The following FRMD5 variants were observed in gnomAD, a reference collection of about 807,000 sequenced individuals.
FRMD5 encodes the protein FERM domain containing 5.
Under a neutral mutation model 69.0 loss-of-function variants are expected in FRMD5, and 20 were observed. The ratio of observed to expected loss-of-function variants is 0.29; its 90% CI spans 0.20 to 0.42. FRMD5 has a LOEUF of 0.42. Ranked by LOEUF, FRMD5 falls within the 10% of genes least tolerant of loss-of-function variation. The pLI is 1.00. For synonymous variants in FRMD5, 271 were observed against 260.1 expected (o/e 1.04, Z -0.40); for missense variants, 595 against 708.6 (o/e 0.84, Z 1.82).
intron 7 of FRMD5, among the ~76,000 whole-genome samples, chr15:43,901,138 G>C (rs2089036392): frequency 6.6e-6 from 1 of 152,122 alleles, no homozygotes; most frequent in African/African-American, 2.4e-5. Context: ...TGAAGACACA[G>C]GCAGATGACA....
intron 1 of FRMD5, among the ~76,000 whole-genome samples, chr15:44,023,074 T>C (rs576275015): frequency 2.2e-4 from 34 of 152,262 alleles, no homozygotes; most frequent in African/African-American, 7.9e-4. Context: ...CTGTTAGATA[T>C]GTATTTATGC....
intron 10 of FRMD5, among the ~76,000 whole-genome samples, chr15:43,886,124 C>T (rs114988244): frequency 8.5e-4 from 129 of 152,222 alleles, no homozygotes; most frequent in African/African-American, 3.0e-3. Context: ...AGTGTGACCT[C>T]GGGCAAATTT....
intron 1 of FRMD5, among the ~76,000 whole-genome samples, chr15:43,967,494 G>A (rs755168110): frequency 1.3e-5 from 2 of 152,042 alleles, no homozygotes; most frequent in African/African-American, 2.4e-5. Flanking sequence ...ACCTCCCAAA[G>A]TGCTAGGCTT....
rs558377254 is a variant in FRMD5, at chr15:44,028,899, T to G, written c.103-104590A>C. Among the ~76,000 whole-genome samples the G allele has an allele frequency of 2.6e-5, 4 of 152,282 alleles. No individual in the cohort carries two copies. The East Asian group carries it at 7.7e-4, about 29-fold the overall frequency. On this transcript the variant is annotated intron_variant, in intron 1 of 13. Transcript: ENST00000417257. ...TAAACTAGACTGGATATTTAGGTAA[T>G]TTTTCTCTCCTGGTCTCAGGATAAA...
chr15:43,976,463 T>A (rs2090464090), intron 1 of FRMD5, among the ~76,000 whole-genome samples: 1 of 152,140 alleles, frequency 6.6e-6, no homozygotes, highest in Non-Finnish European at 1.5e-5. Context: ...GCAATTTTTT[T>A]AAAAAGGCAA....
At chr15:44,026,049 C>A (rs1428605396) in intron 1 of FRMD5, among the ~76,000 whole-genome samples, 2 of 152,192 alleles carry the variant, frequency 1.3e-5, no homozygotes, top group Non-Finnish European at 2.9e-5. Flanking sequence ...ACCATCTCAG[C>A]TCTCTGCAAC....
intron 1 of FRMD5, among the ~76,000 whole-genome samples, chr15:44,116,247 A>AGTTTT (rs1003519032): frequency 1.4e-4 from 21 of 150,458 alleles, no homozygotes; most frequent in Middle Eastern, 7.0e-3. Flanking sequence ...AGAGAGGGAG[A>AGTTTT]GTTTTGTTTT....
At chr15:43,922,909 A>G (rs1308095764) in intron 2 of FRMD5, among the ~76,000 whole-genome samples, 1 of 152,168 alleles carries the variant, frequency 6.6e-6, no homozygotes. Context: ...GGCTGAAACA[A>G]TCCGCCTGCC....
At chr15:44,111,637 G>A (rs564012132) in intron 1 of FRMD5, among the ~76,000 whole-genome samples, 1 of 152,152 alleles carries the variant, frequency 6.6e-6, no homozygotes, top group East Asian at 1.9e-4. Context: ...TCACCCAATC[G>A]GAACCCTTTG....
At chr15:44,130,481 G>GA (rs746526680) in intron 1 of FRMD5, among the ~76,000 whole-genome samples, 49 of 152,116 alleles carry the variant, frequency 3.2e-4, no homozygotes, top group Non-Finnish European at 5.7e-4. Flanking sequence ...TAACTAATAA[G>GA]AAAAAGGATA....
intron 1 of FRMD5, among the ~76,000 whole-genome samples, chr15:44,051,757 G>A (rs934576376): frequency 3.9e-5 from 6 of 151,974 alleles, no homozygotes; most frequent in Non-Finnish European, 7.4e-5. Flanking sequence ...TTTGTAGAAT[G>A]TCTCTCAGTG....
In FRMD5 at chr15:44,104,908, T is replaced by G. The variant is rs145065208; in HGVS notation, c.102+90045A>C. Reference sequence around the variant, plus strand: ...GAGGCTCATCCATGTAGAAAACATATATTTCTTTTTATTGGCAATATTGCA... The same window carrying G: ...GAGGCTCATCCATGTAGAAAACATAGATTTCTTTTTATTGGCAATATTGCA... On this transcript the variant is annotated intron_variant, in intron 1 of 13. Coordinates refer to ENST00000417257, the MANE Select transcript of FRMD5 (RefSeq NM_032892.5). Among the ~76,000 whole-genome samples the G allele has an allele frequency of 3.1e-3, 474 of 152,244 alleles. 2 individuals are homozygous for G. The highest frequency in any genetic ancestry group is 9.4e-3 in the Admixed American group (143 of 15,294).
In FRMD5 at chr15:44,098,120, A is replaced by AAAAAAAC. The variant is rs1555403632; in HGVS notation, c.102+96832_102+96833insGTTTTTT. ...AAAAGTTCAGAGTGACAAAACAAAAAAAAAAAAACTAAACAACAACAACAA... is the reference window on the plus strand; with the variant it reads ...AAAAGTTCAGAGTGACAAAACAAAAAAAAAAACAAAAAAAACTAAACAACAACAACAA... On this transcript the variant is annotated intron_variant, in intron 1 of 13. Coordinates refer to ENST00000417257, the MANE Select transcript of FRMD5 (RefSeq NM_032892.5). 6.4e-4 allele frequency among the ~76,000 whole-genome samples: 91 copies of AAAAAAAC among 142,258 alleles called. 1 individual carries two copies. Among genetic ancestry groups the AAAAAAAC allele is most frequent in the African/African-American group, 2.3e-3 (88 of 38,556 alleles). The allele number at this position is 142,258 out of a possible 152,430, so 93.3% of individuals were successfully genotyped here.
chr15:44,067,446 A>G (rs1051967765), intron 1 of FRMD5, among the ~76,000 whole-genome samples: 1 of 152,232 alleles, frequency 6.6e-6, no homozygotes, highest in African/African-American at 2.4e-5. Flanking sequence ...GCTATAACAA[A>G]ATACCATAGA....
upstream of FRMD5, chr15:44,195,348 G>A (rs1165196845): frequency 6.6e-6 from 3 of 456,970 alleles, no homozygotes; most frequent in Admixed American, 4.2e-5. Flanking sequence ...GGGGGTCAGC[G>A]CGGCGGAACC....
chr15:44,176,105 T>C (rs1215104169), intron 1 of FRMD5, among the ~76,000 whole-genome samples: 1 of 152,166 alleles, frequency 6.6e-6, no homozygotes, highest in Non-Finnish European at 1.5e-5. Context: ...ATGAAGGTGG[T>C]GAACTCATAC....
intron 1 of FRMD5, among the ~76,000 whole-genome samples, chr15:44,060,110 G>T (rs534036132): frequency 6.6e-6 from 1 of 152,188 alleles, no homozygotes; most frequent in South Asian, 2.1e-4. Context: ...AGAAGCAGAG[G>T]TTGGAAATGA....
At chr15:43,915,067 C>A (rs534595260) in intron 4 of FRMD5, among the ~76,000 whole-genome samples, 1 of 152,160 alleles carries the variant, frequency 6.6e-6, no homozygotes, top group African/African-American at 2.4e-5. Context: ...GATGAAGAGA[C>A]TGAGTGCTTA....
intron 7 of FRMD5, among the ~76,000 whole-genome samples, chr15:43,900,565 A>G (rs2089020003): frequency 6.6e-6 from 1 of 151,834 alleles, no homozygotes; most frequent in African/African-American, 2.4e-5. Flanking sequence ...TCTTCTCACC[A>G]AGGGACCAAA....
Sources: gnomAD v4.1 joint callset for allele counts (sites outside exome capture counted in the v4.1 genomes callset) on GRCh38, gnomAD v4.1.1 for gene constraint, MANE v1.5 for transcripts, NCBI Gene and HGNC (gene_info 2026-07-23, HGNC 2026-07-21) for gene names.